Variants in DGKD observed in about 807,000 individuals in gnomAD.
The protein encoded by DGKD is diacylglycerol kinase delta.
Under a neutral mutation model 154.4 loss-of-function variants are expected in DGKD, and 68 were observed. The observed-to-expected ratio is 0.44, with a 90% CI of 0.36 to 0.54. DGKD has a LOEUF of 0.54. DGKD is among the 20% of genes least tolerant of loss of function. The pLI is 0.00. For missense variants in DGKD, 1,343 were observed against 1,593.6 expected (o/e 0.84, Z 2.68); for synonymous variants, 693 against 638.0 (o/e 1.09, Z -1.30).
Position 233,354,549 on chromosome 2 carries a change from G to A in DGKD, c.31G>A (p.Gly11Ser). The change falls in exon 1 of 30, where the codon GGT (glycine) becomes AGT (serine). Residue 11 changes from glycine to serine, a missense_variant. This residue lies in a region of DGKD where 57 missense variants were observed against 27.8 expected (regional missense o/e 2.05). Transcript: ENST00000264057. This position sits in a 1 kb window ranked among gnomAD's most constrained non-coding sequence, Gnocchi z 4.8. ...GGCGGCGGCGGGCGCCCCTCCGCCGGGTCCCCCGCAACCGCCTCCGCCGCC... is the reference window on the plus strand; with the variant it reads ...GGCGGCGGCGGGCGCCCCTCCGCCGAGTCCCCCGCAACCGCCTCCGCCGCC... MAAAAGAPPPGPPQPPPPPPP... is the reference protein window; with the variant it reads MAAAAGAPPPSPPQPPPPPPP... 9.8e-7 allele frequency: 1 copy of A among 1,018,752 alleles called. No individual in the cohort carries two copies. The highest frequency in any genetic ancestry group is 1.2e-6 in the Non-Finnish European group (1 of 851,214). The allele number at this position is 1,018,752 out of a possible 1,614,324, so 63.1% of individuals were successfully genotyped here. A position where few individuals can be genotyped will look rare whatever the true frequency, so the allele number is the denominator to read the frequency against.
At chr2:233,425,510 C>T (rs1390422743) in intron 3 of DGKD, among the ~76,000 whole-genome samples, 4 of 152,140 alleles carry the variant, frequency 2.6e-5, no homozygotes, top group Non-Finnish European at 5.9e-5. Context: ...TTTAATAGCT[C>T]ATTTTTGGAT....
Position 233,414,485 on chromosome 2 carries a change from G to C in DGKD, c.349-19895G>C, listed in dbSNP as rs189704512. Among the ~76,000 whole-genome samples the C allele has an allele frequency of 2.7e-3, 412 of 152,342 alleles. 1 individual carries two copies. Among genetic ancestry groups the C allele is most frequent in the Non-Finnish European group, 3.1e-3 (214 of 68,030 alleles). ...TGCCAGACCACAGGGTCACCAGGCA[G>C]GCACTCCATCCCTCCCTCCAGGGGG... On this transcript the variant is annotated intron_variant, in intron 3 of 29. Transcript: ENST00000264057.
chr2:233,428,867 G>GGTT (rs1458682431), intron 3 of DGKD, among the ~76,000 whole-genome samples: 1 of 145,426 alleles, frequency 6.9e-6, no homozygotes, highest in African/African-American at 2.5e-5. Flanking sequence ...CAAATAAGAG[G>GGTT]TTTTTTTTTG....
In DGKD at chr2:233,468,405, C is replaced by G; in HGVS notation, c.3425-18C>G. On this transcript the variant is annotated intron_variant, in intron 28 of 29. Transcript: ENST00000264057. Reference sequence around the variant, plus strand: ...GCTCTGGGCACTCACTGCACTCGTGCTTTTCCATCTCCGACAGTTCACCTC... The same window carrying G: ...GCTCTGGGCACTCACTGCACTCGTGGTTTTCCATCTCCGACAGTTCACCTC... 6.2e-7 allele frequency: 1 copy of G among 1,612,366 alleles called. No individual in the cohort carries two copies. The highest frequency in any genetic ancestry group is 8.5e-7 in the Non-Finnish European group (1 of 1,179,318).
At chr2:233,424,263 C>T (rs1011737426) in intron 3 of DGKD, among the ~76,000 whole-genome samples, 5 of 152,174 alleles carry the variant, frequency 3.3e-5, no homozygotes, top group East Asian at 1.9e-4. Context: ...ATGAGATCCA[C>T]GTCCAGATCC....
At chr2:233,417,831 T>C (rs886678560) in intron 3 of DGKD, among the ~76,000 whole-genome samples, 1 of 152,094 alleles carries the variant, frequency 6.6e-6, no homozygotes, top group Non-Finnish European at 1.5e-5. Context: ...TTTGTCACAG[T>C]TGTGGGTATG....
In DGKD at chr2:233,442,144, C is replaced by T. The variant is rs764791676; in HGVS notation, c.1194+149C>T. ...TTTGGGGAGTGTGCAGTTTGGTGGC[C>T]AGGGCAGAGAGGGGAGAGCCTGGGC... On this transcript the variant is annotated intron_variant, in intron 10 of 29. Transcript: ENST00000264057. The T allele has an allele frequency of 5.0e-6, 4 of 806,556 alleles. No homozygotes were observed. In the African/African-American group the frequency reaches 6.8e-5, roughly 14 times the overall value. The allele number at this position is 806,556 out of a possible 1,614,324, so 50.0% of individuals were successfully genotyped here.
At chr2:233,365,235 T>C (rs551221081) in intron 1 of DGKD, among the ~76,000 whole-genome samples, 5 of 151,682 alleles carry the variant, frequency 3.3e-5, no homozygotes, top group African/African-American at 1.2e-4. Flanking sequence ...AACGGAACTT[T>C]TTTTTTTTTT....
intron 2 of DGKD, 40 bp downstream of exon 2, chr2:233,388,407 A>G (rs1365995754): frequency 6.3e-7 from 1 of 1,576,610 alleles, no homozygotes; most frequent in Non-Finnish European, 8.6e-7. Flanking sequence ...AGGACATCAC[A>G]GGAGCCGTCC....
At chr2:233,421,801 C>G (rs943328078) in intron 3 of DGKD, among the ~76,000 whole-genome samples, 10 of 152,254 alleles carry the variant, frequency 6.6e-5, no homozygotes, top group Admixed American at 2.0e-4. Context: ...TTTAATAAGT[C>G]TTTAATTTAC....
At chr2:233,410,116 G>C (rs1019522037) in intron 3 of DGKD, among the ~76,000 whole-genome samples, 20 of 152,104 alleles carry the variant, frequency 1.3e-4, no homozygotes, top group African/African-American at 4.8e-4. Flanking sequence ...CACTGTGCCT[G>C]GCCAATGCTG....
intron 27 of DGKD, among the ~76,000 whole-genome samples, chr2:233,466,390 A>G (rs1338643075): frequency 6.6e-6 from 1 of 152,052 alleles, no homozygotes; most frequent in Non-Finnish European, 1.5e-5. Flanking sequence ...TCATTATATA[A>G]TGATCCTTTT....
At chr2:233,462,245 C>T in intron 24 of DGKD, 103 bp from the exon 25 acceptor site, 9 of 904,036 alleles carry the variant, frequency 1.0e-5, no homozygotes, top group Non-Finnish European at 1.4e-5. Context: ...CTGCCCTCCA[C>T]ATCAGCCCTC....
intron 3 of DGKD, among the ~76,000 whole-genome samples, chr2:233,410,342 C>T (rs975028154): frequency 6.6e-6 from 1 of 152,174 alleles, no homozygotes; most frequent in Non-Finnish European, 1.5e-5. Flanking sequence ...GGGATCGCTT[C>T]CTTTTCTGTA....
intron 24 of DGKD, among the ~76,000 whole-genome samples, 189 bp downstream of exon 24, chr2:233,460,534 C>T (rs2063596634): frequency 1.3e-5 from 2 of 152,198 alleles, no homozygotes; most frequent in South Asian, 4.1e-4. Context: ...TCAGAACTCG[C>T]CTGGAGTTTA....
At chr2:233,356,453 G>A (rs1701538077) in intron 1 of DGKD, among the ~76,000 whole-genome samples, 1 of 152,154 alleles carries the variant, frequency 6.6e-6, no homozygotes, top group Admixed American at 6.5e-5. Flanking sequence ...GATAGGAGTT[G>A]CTTTCTCCTG....
chr2:233,408,135 C>T (rs545894208), intron 3 of DGKD, among the ~76,000 whole-genome samples: 8 of 151,898 alleles, frequency 5.3e-5, no homozygotes, highest in African/African-American at 1.9e-4. Flanking sequence ...CTCCGCCTCC[C>T]GGGTTCACGC....
At chr2:233,429,889 C>T (rs571069831) in intron 3 of DGKD, among the ~76,000 whole-genome samples, 5 of 152,240 alleles carry the variant, frequency 3.3e-5, no homozygotes, top group African/African-American at 1.2e-4. Flanking sequence ...CATGCAGTGG[C>T]GACCCAGTTC....
At chr2:233,456,024 A>G (rs1273861449) in intron 19 of DGKD, among the ~76,000 whole-genome samples, 6 of 152,220 alleles carry the variant, frequency 3.9e-5, no homozygotes, top group African/African-American at 1.2e-4. Flanking sequence ...TAAAATAAGT[A>G]GTTGAGGAAC....
Sources: gnomAD v4.1 joint callset for allele counts (sites outside exome capture counted in the v4.1 genomes callset) on GRCh38, gnomAD v4.1.1 for gene constraint, gnomAD v4.1.1 regional missense constraint, Gnocchi (gnomAD v3.1) non-coding constraint, MANE v1.5 for transcripts, NCBI Gene and HGNC (gene_info 2026-07-23, HGNC 2026-07-21) for gene names.